GABRB2: variants seen among roughly 807,000 people sequenced by gnomAD.
GABRB2 encodes gamma-aminobutyric acid receptor subunit beta-2.
GABRB2 carries 16 observed loss-of-function variants against 54.7 expected under a neutral mutation model. The ratio of observed to expected loss-of-function variants is 0.29; its 90% CI spans 0.20 to 0.44. The LOEUF (loss-of-function observed/expected upper bound fraction) is 0.44. GABRB2 is among the 20% of genes least tolerant of loss of function. The pLI is 1.00. For synonymous variants in GABRB2, 244 were observed against 233.8 expected (o/e 1.04, Z -0.40); for missense variants, 355 against 644.0 (o/e 0.55, Z 4.86).
At chr5:161,296,461 C>T (rs976029460) in intron 9 of GABRB2, among the ~76,000 whole-genome samples, 4 of 152,134 alleles carry the variant, frequency 2.6e-5, no homozygotes, top group Admixed American at 2.0e-4. Flanking sequence ...TGAGTTCAAA[C>T]TATAACATAG....
chr5:161,482,338 G>A (rs11746038), intron 3 of GABRB2, among the ~76,000 whole-genome samples: 3,379 of 152,178 alleles, frequency 0.022, 60 homozygotes, highest in Non-Finnish European at 0.034. Context: ...TGTAGTAGGG[G>A]TGATTCTTGA....
At chr5:161,425,865 T>C (rs1756983752) in intron 4 of GABRB2, among the ~76,000 whole-genome samples, 1 of 152,134 alleles carries the variant, frequency 6.6e-6, no homozygotes, top group African/African-American at 2.4e-5. Flanking sequence ...ATATAATATG[T>C]GATGAGGATG....
intron 4 of GABRB2, among the ~76,000 whole-genome samples, chr5:161,433,164 TTATC>T (rs1383487139): frequency 2.6e-5 from 4 of 152,292 alleles, no homozygotes; most frequent in Non-Finnish European, 5.9e-5. Context: ...CAATATTTCT[TTATC>T]TATAGATATA....
chr5:161,442,669 G>A (rs937854652), intron 4 of GABRB2, among the ~76,000 whole-genome samples: 1 of 152,146 alleles, frequency 6.6e-6, no homozygotes, highest in South Asian at 2.1e-4. Context: ...CACTACCTGG[G>A]TCAGGTTGCA....
At chr5:161,302,294 A>G (rs1303203332) in intron 9 of GABRB2, among the ~76,000 whole-genome samples, 1 of 152,228 alleles carries the variant, frequency 6.6e-6, no homozygotes, top group African/African-American at 2.4e-5. Flanking sequence ...CTTGGTTAAC[A>G]GAGTTCCATT....
At chr5:161,481,300 T>G (rs1376636737) in intron 3 of GABRB2, among the ~76,000 whole-genome samples, 2 of 152,016 alleles carry the variant, frequency 1.3e-5, no homozygotes, top group Non-Finnish European at 2.9e-5. Flanking sequence ...TATAAAGGCC[T>G]GGCACACATA....
At position 161,289,560 on chromosome 5, in the gene GABRB2, T is replaced by C. The variant is rs376877263; in HGVS notation, c.*4521A>G. 11 of 152,226 alleles carry C rather than the reference T, an allele frequency of 7.2e-5. No individual in the cohort carries two copies. The highest frequency in any genetic ancestry group is 2.6e-4 in the African/African-American group (11 of 41,532). The allele number at this position is 152,226 out of a possible 1,614,324, so 9.4% of individuals were successfully genotyped here. A position where few individuals can be genotyped will look rare whatever the true frequency, so the allele number is the denominator to read the frequency against. On this transcript the variant is annotated 3_prime_UTR_variant, in exon 10 of 10. Coordinates refer to ENST00000393959, the MANE Select transcript of GABRB2 (RefSeq NM_001371727.1). ...CCATTTTTATTTTTCTGTAGTGCCATCTATACAAACTTTTACTGTTTGAAA... is the reference window on the plus strand; with the variant it reads ...CCATTTTTATTTTTCTGTAGTGCCACCTATACAAACTTTTACTGTTTGAAA...
chr5:161,545,633 C>T (rs1760961355), intron 2 of GABRB2, among the ~76,000 whole-genome samples: 1 of 149,910 alleles, frequency 6.7e-6, no homozygotes, highest in African/African-American at 2.5e-5. Flanking sequence ...TGCGCTGAAA[C>T]CCCCTCCTCC....
At chr5:161,495,707 G>A (rs969470741) in intron 3 of GABRB2, among the ~76,000 whole-genome samples, 2 of 152,050 alleles carry the variant, frequency 1.3e-5, no homozygotes, top group African/African-American at 2.4e-5. Context: ...GTTATTAGCT[G>A]AACCAGAGAT....
chr5:161,294,296 G>A lies in GABRB2; in HGVS notation c.1324C>T (p.Arg442Trp), dbSNP rs1407862838. ...LAYDASSIQYRKAGLPRHSFG... is the reference protein window; with the variant it reads ...LAYDASSIQYWKAGLPRHSFG... ...CTATGCCTGGGCAACCCAGCTTTCCGATACTGGATGCTGGAGGCATCATAG... is the reference window on the plus strand; with the variant it reads ...CTATGCCTGGGCAACCCAGCTTTCCAATACTGGATGCTGGAGGCATCATAG... The change falls in exon 10 of 10, where the codon CGG becomes TGG. Residue 442 changes from arginine to tryptophan, a missense_variant. By Grantham distance (101) the Arg-to-Trp change is moderately radical. This residue lies in a region of GABRB2 where 201 missense variants were observed against 228.1 expected (regional missense o/e 0.88). Transcript: ENST00000393959. The A allele has an allele frequency of 1.9e-6, 3 of 1,613,952 alleles. No homozygotes were observed. The highest frequency in any genetic ancestry group is 2.5e-6 in the Non-Finnish European group (3 of 1,179,984).
intron 3 of GABRB2, among the ~76,000 whole-genome samples, chr5:161,486,664 G>T (rs998210132): frequency 6.6e-6 from 1 of 151,706 alleles, no homozygotes; most frequent in African/African-American, 2.4e-5. Flanking sequence ...TCATCATCTC[G>T]GTGACTTTCT....
At chr5:161,540,767 T>A (rs1030284400) in intron 3 of GABRB2, among the ~76,000 whole-genome samples, 11 of 152,202 alleles carry the variant, frequency 7.2e-5, no homozygotes, top group African/African-American at 2.7e-4. Flanking sequence ...AGAGCTCATG[T>A]GTGACTAGGT....
chr5:161,456,327 G>A (rs1022410077), intron 4 of GABRB2, among the ~76,000 whole-genome samples: 1 of 152,212 alleles, frequency 6.6e-6, no homozygotes, highest in African/African-American at 2.4e-5. Context: ...GAACCAGTGT[G>A]AACCACAGGA....
At chr5:161,490,665 T>C (rs1759072002) in intron 3 of GABRB2, among the ~76,000 whole-genome samples, 1 of 151,666 alleles carries the variant, frequency 6.6e-6, no homozygotes, top group African/African-American at 2.4e-5. Flanking sequence ...GGGTCTAAAA[T>C]TAGTGAGTAA....
chr5:161,408,742 A>C (rs1756419651), intron 5 of GABRB2, among the ~76,000 whole-genome samples: 1 of 151,982 alleles, frequency 6.6e-6, no homozygotes, highest in South Asian at 2.1e-4. Context: ...AGGAAGGAGA[A>C]GGACAGAGAG....
At chr5:161,504,021 T>C (rs1347824781) in intron 3 of GABRB2, among the ~76,000 whole-genome samples, 1 of 152,154 alleles carries the variant, frequency 6.6e-6, no homozygotes, top group Non-Finnish European at 1.5e-5. Context: ...GAAATGTATA[T>C]GCAACTAATT....
At position 161,345,378 on chromosome 5, in the gene GABRB2, G is replaced by C. The variant is rs572924857; in HGVS notation, c.542-8609C>G. Among the ~76,000 whole-genome samples, 41 of 152,102 alleles carry C rather than the reference G, an allele frequency of 2.7e-4. No individual in the cohort carries two copies. In the South Asian group the frequency reaches 5.0e-3, roughly 18 times the overall value. ...ATGGATTTCCCAGTTGGGGAAGTGAGAATTTCCCACTTCAATTCAACTTCA... is the reference window on the plus strand; with the variant it reads ...ATGGATTTCCCAGTTGGGGAAGTGACAATTTCCCACTTCAATTCAACTTCA... On this transcript the variant is annotated intron_variant, in intron 5 of 9. Coordinates refer to ENST00000393959, the MANE Select transcript of GABRB2 (RefSeq NM_001371727.1).
At chr5:161,381,281 A>G (rs1755458632) in intron 5 of GABRB2, among the ~76,000 whole-genome samples, 1 of 152,222 alleles carries the variant, frequency 6.6e-6, no homozygotes, top group South Asian at 2.1e-4. Flanking sequence ...CACACTGAGT[A>G]TAACTCCTTA....
upstream of GABRB2, chr5:161,546,863 A>G: frequency 1.1e-6 from 1 of 938,622 alleles, no homozygotes; most frequent in South Asian, 2.4e-5. Context: ...TAATACATAC[A>G]TATTTGAATA....
Sources: allele counts gnomAD v4.1 joint callset (sites outside exome capture counted in the v4.1 genomes callset), GRCh38; gene constraint gnomAD v4.1.1; regional missense constraint gnomAD v4.1.1; transcripts MANE v1.5; gene names NCBI Gene and HGNC (gene_info 2026-07-23, HGNC 2026-07-21).